The following SLC35E1 variants were observed in gnomAD, a reference collection of about 807,000 sequenced individuals.
The protein encoded by SLC35E1 is solute carrier family 35, member E1.
In SLC35E1, 12 loss-of-function variants were observed where a neutral mutation model predicts 31.0. That is an observed-to-expected ratio of 0.39 (90% CI 0.25 to 0.63). SLC35E1 has a LOEUF of 0.63. Ranked by LOEUF, SLC35E1 falls within the 20% of genes least tolerant of loss-of-function variation. The pLI, the probability that SLC35E1 is intolerant of heterozygous loss-of-function variation, is 0.52. For synonymous variants in SLC35E1, 257 were observed against 264.1 expected (o/e 0.97, Z 0.26); for missense variants, 429 against 572.2 (o/e 0.75, Z 2.55).
In SLC35E1 at chr19:16,555,395, G is replaced by C. The variant is rs1368855724; in HGVS notation, c.759C>G (p.Thr253=). Reference sequence around the variant, plus strand: ...GCGTCCAGGGCCACTGGTAGACGTAGGTCTGCAGAGACCGGAAGGTAAAGA... The same window carrying C: ...GCGTCCAGGGCCACTGGTAGACGTACGTCTGCAGAGACCGGAAGGTAAAGA... The part of the protein sequence containing the change: ...LSAFLVSSDL[T]YVYQWPWTLL... The change falls in exon 5 of 6, where the codon ACC becomes ACG. Residue 253 remains threonine (T), a splice_region_variant and synonymous_variant. Coordinates refer to ENST00000595753, the MANE Select transcript of SLC35E1 (RefSeq NM_024881.5). This position sits in a 1 kb window ranked among gnomAD's most constrained non-coding sequence, Gnocchi z 4.1. The C allele has an allele frequency of 3.7e-6, 6 of 1,613,308 alleles. No individual in the cohort carries two copies. In the African/African-American group the frequency reaches 5.3e-5, roughly 14 times the overall value.
chr19:16,549,861 T>G lies in SLC35E1; in HGVS notation c.*3818A>C, dbSNP rs1282477179. 6.6e-6 allele frequency: 1 copy of G among 152,210 alleles called. No homozygotes were observed. Among genetic ancestry groups the G allele is most frequent in the African/African-American group, 2.4e-5 (1 of 41,470 alleles). 9.4% of individuals were successfully genotyped at this position (152,210 alleles called of 1,614,324 possible). A position where few individuals can be genotyped will look rare whatever the true frequency, so the allele number is the denominator to read the frequency against. On this transcript the variant is annotated 3_prime_UTR_variant, in exon 6 of 6. Coordinates refer to ENST00000595753, the MANE Select transcript of SLC35E1 (RefSeq NM_024881.5). The stretch of plus-strand genomic sequence containing the variant: ...ATTCCCTGGAAACCATCATTTATTT[T>G]TGGTAAATGCCAGTGAGGAATATAC...
chr19:16,551,752 C>CTTTTTT lies in SLC35E1; in HGVS notation c.*1921_*1926dup, dbSNP rs754006311. 2.3e-5 allele frequency: 3 copies of CTTTTTT among 128,238 alleles called. No homozygotes were observed. Among genetic ancestry groups the CTTTTTT allele is most frequent in the Admixed American group, 7.9e-5 (1 of 12,730 alleles). The allele number at this position is 128,238 out of a possible 1,614,324, so 7.9% of individuals were successfully genotyped here. On this transcript the variant is annotated 3_prime_UTR_variant, in exon 6 of 6. Transcript: ENST00000595753. ...TTTCTGCCAAGACCCAAACTGATTC[C>CTTTTTT]TTTTTTTTTTTTTTTTTTTTGAGAC...
chr19:16,560,104 A>G (rs2085897047), intron 4 of SLC35E1, among the ~76,000 whole-genome samples: 1 of 152,116 alleles, frequency 6.6e-6, no homozygotes, highest in Admixed American at 6.6e-5. Context: ...CTGAAAGCCA[A>G]GCGGTGGTCT....
At chr19:16,566,227 T>C (rs1196402113) in intron 4 of SLC35E1, 1 of 257,084 alleles carries the variant, frequency 3.9e-6, no homozygotes, top group Non-Finnish European at 7.4e-6. Flanking sequence ...GTCAATGTGC[T>C]ATCTGGACTA....
intron 4 of SLC35E1, among the ~76,000 whole-genome samples, chr19:16,561,744 C>T (rs2085907419): frequency 6.6e-6 from 1 of 152,240 alleles, no homozygotes; most frequent in Admixed American, 6.5e-5. Flanking sequence ...ACGGTGCTAA[C>T]TAACCTGCTG....
At chr19:16,558,060 TG>T (rs1313037123) in intron 4 of SLC35E1, among the ~76,000 whole-genome samples, 1 of 151,382 alleles carries the variant, frequency 6.6e-6, no homozygotes, top group Non-Finnish European at 1.5e-5. Flanking sequence ...TGTTTTTTTT[TG>T]AGATAGAGTT....
In SLC35E1 at chr19:16,571,944, C is replaced by T. The variant is rs1336869370; in HGVS notation, c.421G>A (p.Val141Ile). 2 of 1,545,828 alleles carry T rather than the reference C, an allele frequency of 1.3e-6. No homozygotes were observed. The highest frequency in any genetic ancestry group is 1.7e-6 in the Non-Finnish European group (2 of 1,144,690). Residue 141 changes from valine to isoleucine, a missense_variant and splice_region_variant, in exon 1 of 6, where the codon GTC becomes ATC. Transcript: ENST00000595753. ...CCCCGAGGCCGGGCGCGGAACCTACCGGTGTGTGCATAGGACACGGGCACC... is the reference window on the plus strand; with the variant it reads ...CCCCGAGGCCGGGCGCGGAACCTACTGGTGTGTGCATAGGACACGGGCACC... ...WKVPVSYAHT[V>I]KATMPIWVVL...
intron 4 of SLC35E1, among the ~76,000 whole-genome samples, chr19:16,556,452 T>A (rs1324949930): frequency 4.0e-5 from 6 of 151,858 alleles, no homozygotes; most frequent in African/African-American, 1.5e-4. Flanking sequence ...AAGGCTACAG[T>A]GAGCTACGAT....
intron 4 of SLC35E1, among the ~76,000 whole-genome samples, chr19:16,561,103 A>G (rs1288313323): frequency 1.4e-5 from 2 of 147,020 alleles, no homozygotes; most frequent in African/African-American, 5.0e-5. Context: ...AATCCCAGCT[A>G]TATGGGAGGC....
intron 4 of SLC35E1, among the ~76,000 whole-genome samples, chr19:16,563,510 C>G (rs947744455): frequency 1.3e-5 from 2 of 151,944 alleles, no homozygotes; most frequent in African/African-American, 4.8e-5. Context: ...CATGACCAGA[C>G]TTCTTCTTTT....
intron 2 of SLC35E1, among the ~76,000 whole-genome samples, chr19:16,569,886 T>C (rs1053081059): frequency 2.6e-5 from 4 of 151,842 alleles, no homozygotes; most frequent in African/African-American, 9.7e-5. Context: ...GAGGTGGAGA[T>C]TTTAGGAGGG....
In SLC35E1 at chr19:16,572,083, A is replaced by C; in HGVS notation, c.282T>G (p.Ser94Arg). The C allele has an allele frequency of 6.5e-7, 1 of 1,535,782 alleles. No homozygotes were observed. The highest frequency in any genetic ancestry group is 8.8e-7 in the Non-Finnish European group (1 of 1,141,044). ...GCAGCGGGCCGGACGACGGATGCGGACTGGGTCCGGGGCCCGAGACGGGCG... is the reference window on the plus strand; with the variant it reads ...GCAGCGGGCCGGACGACGGATGCGGCCTGGGTCCGGGGCCCGAGACGGGCG... ...PAPPVSGPGP[S>R]PHPSSGPLLP... Residue 94 changes from serine to arginine, a missense_variant, in exon 1 of 6, where the codon AGT becomes AGG. Physicochemically the swap from Ser to Arg is moderately radical, Grantham distance 110 (BLOSUM62 -1). Transcript: ENST00000595753. The surrounding 1 kb of genome is among the most constrained non-coding windows in gnomAD (Gnocchi z 4.1).
At chr19:16,561,471 C>T (rs1310605452) in intron 4 of SLC35E1, among the ~76,000 whole-genome samples, 2 of 152,100 alleles carry the variant, frequency 1.3e-5, no homozygotes, top group South Asian at 2.1e-4. Flanking sequence ...GTCTTTCCTC[C>T]GCCCATCTGC....
At position 16,553,882 on chromosome 19, in the gene SLC35E1, T is replaced by A; in HGVS notation, c.1030A>T (p.Arg344Trp). 1.2e-6 allele frequency: 2 copies of A among 1,611,868 alleles called. No homozygotes were observed. The highest frequency in any genetic ancestry group is 2.2e-5 in the East Asian group (1 of 44,794). The change falls in exon 6 of 6, where the codon AGG becomes TGG. Residue 344 changes from arginine (R) to tryptophan (W), a missense_variant. Arg to Trp is a moderately radical substitution (Grantham distance 101). Coordinates refer to ENST00000595753, the MANE Select transcript of SLC35E1 (RefSeq NM_024881.5). Reference protein sequence around the residue: ...KTKYDANQQARKHLLPVTTAD... With the variant: ...KTKYDANQQAWKHLLPVTTAD... The stretch of plus-strand genomic sequence containing the variant: ...GTGGTGACGGGGAGGAGGTGCTTCC[T>A]GGCTTGCTGGTTTGCATCGTACTTG...
chr19:16,555,688 C>T lies in SLC35E1; in HGVS notation c.757-291G>A. On this transcript the variant is annotated intron_variant, in intron 4 of 5. Transcript: ENST00000595753. The surrounding 1 kb of genome is among the most constrained non-coding windows in gnomAD (Gnocchi z 4.1). Reference sequence around the variant, plus strand: ...CAAGCAAGACGTAAGCCAAAGCCTTCCCTGGCAGTGAACAGCCAGGAACCC... The same window carrying T: ...CAAGCAAGACGTAAGCCAAAGCCTTTCCTGGCAGTGAACAGCCAGGAACCC... The T allele has an allele frequency of 5.0e-6, 2 of 396,164 alleles. No homozygotes were observed. The highest frequency in any genetic ancestry group is 4.7e-6 in the Non-Finnish European group (1 of 214,720). 24.5% of individuals were successfully genotyped at this position (396,164 alleles called of 1,614,324 possible). A position where few individuals can be genotyped will look rare whatever the true frequency, so the allele number is the denominator to read the frequency against.
chr19:16,560,881 C>CAAAAAAAAAAAAAAAAAAAAAAAAAAAA (rs1304202019), intron 4 of SLC35E1, among the ~76,000 whole-genome samples: 1 of 68,060 alleles, frequency 1.5e-5, no homozygotes, highest in Non-Finnish European at 2.9e-5. Flanking sequence ...AAAAAAAAAC[C>CAAAAAAAAAAAAAAAAAAAAAAAAAAAA]AAAAAAAAAA....
rs1568269675 is a variant in SLC35E1 at position 16,551,699 on chromosome 19, T to C, written c.*1980A>G. On this transcript the variant is annotated 3_prime_UTR_variant, in exon 6 of 6. Transcript: ENST00000595753. ...GACCTGAGCACTCAGGGTTACCTAC[T>C]GGGGTCTTGTCATATTCCTTATGTT... 14 of 151,302 alleles carry C rather than the reference T, an allele frequency of 9.3e-5. No individual in the cohort carries two copies. The allele number at this position is 151,302 out of a possible 1,614,324, so 9.4% of individuals were successfully genotyped here.
chr19:16,557,688 G>C (rs147993929), intron 4 of SLC35E1, among the ~76,000 whole-genome samples: 2,293 of 152,350 alleles, frequency 0.015, 27 homozygotes, highest in South Asian at 0.021. Context: ...GGAACCTTTG[G>C]AGACAGGCTG....
In SLC35E1 at chr19:16,551,508, A is replaced by G. The variant is rs527774869; in HGVS notation, c.*2171T>C. The G allele has an allele frequency of 2.7e-4, 41 of 152,298 alleles. No individual in the cohort carries two copies. The highest frequency in any genetic ancestry group is 9.9e-4 in the African/African-American group (41 of 41,560). 9.4% of individuals were successfully genotyped at this position (152,298 alleles called of 1,614,324 possible). A position where few individuals can be genotyped will look rare whatever the true frequency, so the allele number is the denominator to read the frequency against. The stretch of plus-strand genomic sequence containing the variant: ...AACATCTCGCTCGCTGGGAGATAAA[A>G]GGTAAATCTCTCATTTGCTGCTCTC... On this transcript the variant is annotated 3_prime_UTR_variant, in exon 6 of 6. Coordinates refer to ENST00000595753, the MANE Select transcript of SLC35E1 (RefSeq NM_024881.5).
Sources: allele counts gnomAD v4.1 joint callset (sites outside exome capture counted in the v4.1 genomes callset), GRCh38; gene constraint gnomAD v4.1.1; non-coding constraint Gnocchi (gnomAD v3.1); transcripts MANE v1.5; gene names NCBI Gene and HGNC (gene_info 2026-07-23, HGNC 2026-07-21).